The following PIAS4 variants were observed in gnomAD, a reference collection of about 807,000 sequenced individuals.
PIAS4 encodes E3 SUMO-protein ligase PIAS4.
PIAS4 carries 7 observed loss-of-function variants against 58.0 expected under a neutral mutation model. That is an observed-to-expected ratio of 0.12 (90% CI 0.07 to 0.23). The LOEUF (loss-of-function observed/expected upper bound fraction) is 0.23. Ranked by LOEUF, PIAS4 falls within the 10% of genes least tolerant of loss-of-function variation. PIAS4 has a pLI of 1.00. For synonymous variants in PIAS4, 364 were observed against 312.4 expected (o/e 1.17, Z -1.74); for missense variants, 550 against 709.5 (o/e 0.78, Z 2.55).
chr19:4,016,727 G>T (rs111666896), intron 2 of PIAS4, among the ~76,000 whole-genome samples: 18 of 152,322 alleles, frequency 1.2e-4, no homozygotes, highest in African/African-American at 4.1e-4. Flanking sequence ...GCAGGGGAGC[G>T]TATTCCAGGC....
intron 7 of PIAS4, among the ~76,000 whole-genome samples, chr19:4,030,307 C>T (rs1321257745): frequency 9.0e-4 from 130 of 144,430 alleles, no homozygotes; most frequent in Middle Eastern, 3.6e-3. Flanking sequence ...TTTTAAGTGA[C>T]ACGCAGAGCA....
At chr19:4,033,349 G>T in intron 8 of PIAS4, 71 bp from the exon 9 acceptor site, 1 of 1,435,196 alleles carries the variant, frequency 7.0e-7, no homozygotes, top group Non-Finnish European at 9.4e-7. Flanking sequence ...GGATGGAGCT[G>T]GGGGTGAGGG....
At chr19:4,020,148 C>G (rs2040094758) in intron 2 of PIAS4, among the ~76,000 whole-genome samples, 1 of 152,112 alleles carries the variant, frequency 6.6e-6, no homozygotes, top group Non-Finnish European at 1.5e-5. Flanking sequence ...TATCTCCTGA[C>G]CTCATGATCC....
At chr19:4,012,863 A>G (rs1007731287) in intron 1 of PIAS4, 60 bp from the exon 2 acceptor site, 12 of 1,527,236 alleles carry the variant, frequency 7.9e-6, no homozygotes, top group South Asian at 6.3e-5. Context: ...CCTGGCCTCC[A>G]TGGAGTCCCC....
chr19:4,012,896 A>AGT (rs1362020042), intron 1 of PIAS4, 27 bp from the exon 2 acceptor site: 14 of 1,587,802 alleles, frequency 8.8e-6, no homozygotes, highest in South Asian at 3.4e-5. Flanking sequence ...GTGTCCTCTG[A>AGT]GTGTGTGTGT....
chr19:4,030,224 A>G (rs2040210600), intron 7 of PIAS4, among the ~76,000 whole-genome samples: 1 of 143,710 alleles, frequency 7.0e-6, no homozygotes, highest in East Asian at 1.9e-4. Context: ...CAATCTCCCA[A>G]AGTGCTGGGA....
At chr19:4,036,854 G>A (rs528862963) in intron 9 of PIAS4, among the ~76,000 whole-genome samples, 5 of 145,032 alleles carry the variant, frequency 3.4e-5, no homozygotes, top group African/African-American at 8.4e-5. Context: ...GCCCACACCC[G>A]CATGCCACAC....
At chr19:4,035,793 TCACA>T (rs1555690152) in intron 9 of PIAS4, among the ~76,000 whole-genome samples, 1 of 3,146 alleles carries the variant, frequency 3.2e-4, no homozygotes, top group African/African-American at 9.2e-4. Flanking sequence ...GTCCATACCA[TCACA>T]CACACCCGCA....
rs1450432746 is a variant in PIAS4 at position 4,013,511 on chromosome 19, C to A, written c.454+162C>A. On this transcript the variant is annotated intron_variant, in intron 2 of 10. Coordinates refer to ENST00000262971, the MANE Select transcript of PIAS4 (RefSeq NM_015897.4). This position sits in a 1 kb window ranked among gnomAD's most constrained non-coding sequence, Gnocchi z 5.1. ...GTGTCCTTCCTCGGAAGCAAAGGGA[C>A]CATCTTTGATATTGGTCACCCCTTG... Among the ~76,000 whole-genome samples the A allele has an allele frequency of 6.6e-6, 1 of 152,150 alleles. No individual in the cohort carries two copies.
At chr19:4,028,398 A>T in intron 4 of PIAS4, 112 bp from the exon 5 acceptor site, 1 of 862,702 alleles carries the variant, frequency 1.2e-6, no homozygotes, top group Non-Finnish European at 1.9e-6. Context: ...CCCGTGTCAC[A>T]TTCTCCGGTG....
At chr19:4,016,801 C>A (rs1435729115) in intron 2 of PIAS4, among the ~76,000 whole-genome samples, 1 of 152,120 alleles carries the variant, frequency 6.6e-6, no homozygotes, top group East Asian at 1.9e-4. Flanking sequence ...GAATGGAGTT[C>A]ATTGTGGCCA....
In PIAS4 at chr19:4,007,783, C is replaced by T; in HGVS notation, c.23C>T (p.Ala8Val). The T allele has an allele frequency of 8.2e-7, 1 of 1,215,468 alleles. No individual in the cohort carries two copies. The highest frequency in any genetic ancestry group is 1.0e-6 in the Non-Finnish European group (1 of 971,238). The allele number at this position is 1,215,468 out of a possible 1,614,324, so 75.3% of individuals were successfully genotyped here. A position where few individuals can be genotyped will look rare whatever the true frequency, so the allele number is the denominator to read the frequency against. Reference sequence around the variant, plus strand: ...AAGATGGCGGCGGAGCTGGTGGAGGCCAAAGTGAGTGAGCGGTGGCGGCGC... The same window carrying T: ...AAGATGGCGGCGGAGCTGGTGGAGGTCAAAGTGAGTGAGCGGTGGCGGCGC... MAAELVEAKNMVMSFRVS... is the reference protein window; with the variant it reads MAAELVEVKNMVMSFRVS... Residue 8 changes from alanine to valine, a missense_variant, in exon 1 of 11, where the codon GCC becomes GTC. Ala to Val is a moderately conservative substitution (Grantham distance 64, BLOSUM62 0). Transcript: ENST00000262971.
At chr19:4,021,033 C>T (rs1449365531) in intron 2 of PIAS4, among the ~76,000 whole-genome samples, 1 of 152,220 alleles carries the variant, frequency 6.6e-6, no homozygotes, top group Non-Finnish European at 1.5e-5. Context: ...ATGGTACTGT[C>T]TTATAACCCC....
At chr19:4,016,802 A>G (rs2040057164) in intron 2 of PIAS4, among the ~76,000 whole-genome samples, 1 of 152,114 alleles carries the variant, frequency 6.6e-6, no homozygotes. Context: ...AATGGAGTTC[A>G]TTGTGGCCAG....
At chr19:4,034,710 C>T (rs73918117) in intron 9 of PIAS4, among the ~76,000 whole-genome samples, 7,497 of 152,296 alleles carry the variant, frequency 0.049, 618 homozygotes, top group African/African-American at 0.17. Context: ...CTTGGGGTGG[C>T]GGCAGCTCTC....
At chr19:4,036,146 C>T (rs1599234689) in intron 9 of PIAS4, among the ~76,000 whole-genome samples, 1 of 105,246 alleles carries the variant, frequency 9.5e-6, no homozygotes, top group Admixed American at 9.6e-5. Flanking sequence ...CACATCCGTA[C>T]AGTCCACACC....
intron 3 of PIAS4, among the ~76,000 whole-genome samples, chr19:4,027,407 C>T (rs535811760): frequency 2.0e-5 from 3 of 152,268 alleles, no homozygotes; most frequent in Non-Finnish European, 2.9e-5. Context: ...CGTGTTGGTC[C>T]TTCGGTCTAC....
chr19:4,037,898 C>A lies in PIAS4; in HGVS notation c.*23C>A. On this transcript the variant is annotated 3_prime_UTR_variant, in exon 11 of 11. Coordinates refer to ENST00000262971, the MANE Select transcript of PIAS4 (RefSeq NM_015897.4). The surrounding 1 kb of genome is among the most constrained non-coding windows in gnomAD (Gnocchi z 5.8). ...TGACCCCGGCCGCACACTCGACTTT[C>A]CTGGTGCTCACCACGCAGAGGGGCA... 1 of 1,566,292 alleles carries A rather than the reference C, an allele frequency of 6.4e-7. No homozygotes were observed. The highest frequency in any genetic ancestry group is 1.3e-5 in the African/African-American group (1 of 74,296).
chr19:4,036,132 G>A lies in PIAS4; in HGVS notation c.1143-1242G>A, dbSNP rs376229842. Among the ~76,000 whole-genome samples, 30 of 30,196 alleles carry A rather than the reference G, an allele frequency of 9.9e-4. 1 individual carries two copies. Among genetic ancestry groups the A allele is most frequent in the East Asian group, 4.1e-3 (2 of 492 alleles). The allele number at this position is 30,196 out of a possible 152,430, so 19.8% of individuals were successfully genotyped here. A position where few individuals can be genotyped will look rare whatever the true frequency, so the allele number is the denominator to read the frequency against. On this transcript the variant is annotated intron_variant, in intron 9 of 10. Coordinates refer to ENST00000262971, the MANE Select transcript of PIAS4 (RefSeq NM_015897.4). ...CACACACATCTATACAGTCCACACCGTCACACATCCGTACAGTCCACACCG... is the reference window on the plus strand; with the variant it reads ...CACACACATCTATACAGTCCACACCATCACACATCCGTACAGTCCACACCG...
Sources: gnomAD v4.1 joint callset for allele counts (sites outside exome capture counted in the v4.1 genomes callset) on GRCh38, gnomAD v4.1.1 for gene constraint, Gnocchi (gnomAD v3.1) non-coding constraint, MANE v1.5 for transcripts, NCBI Gene and HGNC (gene_info 2026-07-23, HGNC 2026-07-21) for gene names.